The following TSPAN9 variants were observed in gnomAD, a reference collection of about 807,000 sequenced individuals.
TSPAN9 encodes the protein tetraspanin-9.
TSPAN9 carries 16 observed loss-of-function variants against 31.0 expected under a neutral mutation model. The ratio of observed to expected loss-of-function variants is 0.52; its 90% confidence interval spans 0.35 to 0.78. The LOEUF (loss-of-function observed/expected upper bound fraction) is 0.78, where lower values mean the gene tolerates loss of function less well. TSPAN9 is among the 30% of genes least tolerant of loss of function. TSPAN9 has a pLI of 0.01. For synonymous variants in TSPAN9, 145 were observed against 121.6 expected, an observed-to-expected ratio of 1.19 and a Z score of -1.27; for missense variants, 272 against 312.5, an observed-to-expected ratio of 0.87 and a Z score of 0.98.
chr12:3,253,117 G>A (rs1257172462), intron 3 of TSPAN9, among the ~76,000 whole-genome samples: 1 of 152,100 alleles, frequency 6.6e-6, no homozygotes, highest in Non-Finnish European at 1.5e-5. Context: ...CCTCGGGGGT[G>A]GTGATCAACA....
intron 3 of TSPAN9, among the ~76,000 whole-genome samples, chr12:3,225,969 T>A (rs1377358345): frequency 1.3e-5 from 2 of 152,132 alleles, no homozygotes; most frequent in East Asian, 1.9e-4. Flanking sequence ...ATTTTTTCTT[T>A]CCTTCTGAAG....
chr12:3,185,418 C>T (rs1591665632), intron 2 of TSPAN9, among the ~76,000 whole-genome samples: 1 of 152,282 alleles, frequency 6.6e-6, no homozygotes, highest in East Asian at 1.9e-4. Flanking sequence ...CAGGGGGTCA[C>T]TTTCAGAAAT....
intron 2 of TSPAN9, among the ~76,000 whole-genome samples, chr12:3,104,311 G>A (rs2098313207): frequency 6.6e-6 from 1 of 151,950 alleles, no homozygotes; most frequent in Non-Finnish European, 1.5e-5. Flanking sequence ...GTAGAAAATC[G>A]GTAAGTGACA....
chr12:3,143,810 C>T lies in TSPAN9; in HGVS notation c.-17-57367C>T, dbSNP rs1256653818. ...CTTCCTTACTTTCTGGCACAAGATG[C>T]TCCGGGTCGTGTTATGTTTCTCCTG... On this transcript the variant is annotated intron_variant, in intron 2 of 8. Transcript: ENST00000011898. The surrounding 1 kb of genome is among the most constrained non-coding windows in gnomAD (Gnocchi z 4.2). Among the ~76,000 whole-genome samples, 1 of 152,138 alleles carries T rather than the reference C, an allele frequency of 6.6e-6. No homozygotes were observed. The highest frequency in any genetic ancestry group is 1.5e-5 in the Non-Finnish European group (1 of 68,032).
At chr12:3,253,618 G>A (rs991343395) in intron 3 of TSPAN9, among the ~76,000 whole-genome samples, 1 of 152,240 alleles carries the variant, frequency 6.6e-6, no homozygotes, top group Non-Finnish European at 1.5e-5. Context: ...GAGAGCACAG[G>A]CCAGCGATCA....
chr12:3,204,731 G>A lies in TSPAN9; in HGVS notation c.63+3475G>A, dbSNP rs533710583. Among the ~76,000 whole-genome samples, 64 of 152,290 alleles carry A rather than the reference G, an allele frequency of 4.2e-4. No homozygotes were observed. In the South Asian group the frequency reaches 8.5e-3, roughly 20 times the overall value. On this transcript the variant is annotated intron_variant, in intron 3 of 8. Coordinates refer to ENST00000011898, the MANE Select transcript of TSPAN9 (RefSeq NM_006675.5). Reference sequence around the variant, plus strand: ...ACTCTCAGGGCTAAAGACAATGCTGGCTTCTAGGTGGATAGGGAATAGGAG... The same window carrying A: ...ACTCTCAGGGCTAAAGACAATGCTGACTTCTAGGTGGATAGGGAATAGGAG...
At chr12:3,237,396 G>A (rs1392854352) in intron 3 of TSPAN9, among the ~76,000 whole-genome samples, 2 of 152,220 alleles carry the variant, frequency 1.3e-5, no homozygotes, top group Non-Finnish European at 2.9e-5. Context: ...TCTGGTCCCT[G>A]TATTTCCCAC....
intron 2 of TSPAN9, among the ~76,000 whole-genome samples, chr12:3,084,437 A>G (rs190122648): frequency 9.9e-4 from 151 of 152,184 alleles, no homozygotes; most frequent in Admixed American, 1.8e-3. Flanking sequence ...CCTGAACCCA[A>G]TGGTGTAGTC....
chr12:3,201,147 A>T (rs992567917), intron 2 of TSPAN9, 30 bp from the exon 3 acceptor site: 11 of 1,589,998 alleles, frequency 6.9e-6, no homozygotes, highest in Non-Finnish European at 8.6e-6. Flanking sequence ...GTGGTGTTTT[A>T]CCTGGACCTG....
chr12:3,122,456 T>A lies in TSPAN9; in HGVS notation c.-18+38737T>A, dbSNP rs187125634. On this transcript the variant is annotated intron_variant, in intron 2 of 8. Coordinates refer to ENST00000011898, the MANE Select transcript of TSPAN9 (RefSeq NM_006675.5). ...CACCACCATGCTTGGCAAATTAAAA[T>A]TTTTTTTGTTTGTATGTTGTCCAGG... Among the ~76,000 whole-genome samples, 570 of 151,962 alleles carry A rather than the reference T, an allele frequency of 3.8e-3. 2 individuals carry two copies. The highest frequency in any genetic ancestry group is 0.013 in the African/African-American group (546 of 41,486).
chr12:3,105,722 G>A lies in TSPAN9; in HGVS notation c.-18+22003G>A, dbSNP rs186777458. On this transcript the variant is annotated intron_variant, in intron 2 of 8. Coordinates refer to ENST00000011898, the MANE Select transcript of TSPAN9 (RefSeq NM_006675.5). ...CCCCTGGGGGCCTAGGGCCTGCTTTGTGTGCACGCGCGTGCACACACACAC... is the reference window on the plus strand; with the variant it reads ...CCCCTGGGGGCCTAGGGCCTGCTTTATGTGCACGCGCGTGCACACACACAC... Among the ~76,000 whole-genome samples, 609 of 149,612 alleles carry A rather than the reference G, an allele frequency of 4.1e-3. 2 individuals are homozygous for A. The highest frequency in any genetic ancestry group is 0.014 in the African/African-American group (583 of 41,280).
chr12:3,110,733 C>T (rs1371174590), intron 2 of TSPAN9, among the ~76,000 whole-genome samples: 2 of 152,154 alleles, frequency 1.3e-5, no homozygotes, highest in Non-Finnish European at 2.9e-5. Flanking sequence ...CACAGTTCAC[C>T]CAGGTTCAGA....
intron 3 of TSPAN9, among the ~76,000 whole-genome samples, chr12:3,225,360 C>T (rs1279276724): frequency 2.0e-5 from 3 of 152,154 alleles, no homozygotes; most frequent in African/African-American, 7.2e-5. Flanking sequence ...ACGCACAGGA[C>T]AGCCTGTCCT....
chr12:3,229,608 T>C (rs1486088181), intron 3 of TSPAN9, among the ~76,000 whole-genome samples: 1 of 152,240 alleles, frequency 6.6e-6, no homozygotes, highest in African/African-American at 2.4e-5. Flanking sequence ...ATTTGAGGGC[T>C]GTGGCCAAAC....
In TSPAN9 at chr12:3,200,863, C is replaced by T. The variant is rs556055288; in HGVS notation, c.-17-314C>T. ...CCGCGCCCGACTTGGGCGCCCCCTC[C>T]GTCCCATTCTGGGAGCGATGCCCCC... On this transcript the variant is annotated intron_variant, in intron 2 of 8. Coordinates refer to ENST00000011898, the MANE Select transcript of TSPAN9 (RefSeq NM_006675.5). 1,186 of 263,028 alleles carry T rather than the reference C, an allele frequency of 4.5e-3. 7 individuals carry two copies. The highest frequency in any genetic ancestry group is 7.4e-3 in the Middle Eastern group (6 of 812). 16.3% of individuals were successfully genotyped at this position (263,028 alleles called of 1,614,324 possible).
intron 2 of TSPAN9, among the ~76,000 whole-genome samples, chr12:3,153,234 G>T (rs2098340707): frequency 6.6e-6 from 1 of 152,030 alleles, no homozygotes; most frequent in African/African-American, 2.4e-5. Context: ...TTTATTTCAG[G>T]GTCAGGAGCT....
At chr12:3,274,884 G>A (rs1291330583) in intron 3 of TSPAN9, among the ~76,000 whole-genome samples, 1 of 152,274 alleles carries the variant, frequency 6.6e-6, no homozygotes, top group Non-Finnish European at 1.5e-5. Context: ...CGGGAGCTGT[G>A]ATGGAGGCAG....
At chr12:3,226,644 T>A (rs994206400) in intron 3 of TSPAN9, among the ~76,000 whole-genome samples, 15 of 3,716 alleles carry the variant, frequency 4.0e-3, no homozygotes, top group East Asian at 0.12. Context: ...TAAAAAAATT[T>A]TATATATATG....
intron 2 of TSPAN9, among the ~76,000 whole-genome samples, chr12:3,106,591 G>A (rs990225181): frequency 1.3e-5 from 2 of 152,078 alleles, no homozygotes; most frequent in African/African-American, 4.8e-5. Context: ...GCAACATAAT[G>A]AGAACCCTGT....
Sources: allele counts gnomAD v4.1 joint callset (sites outside exome capture counted in the v4.1 genomes callset), GRCh38; gene constraint gnomAD v4.1.1; non-coding constraint Gnocchi (gnomAD v3.1); transcripts MANE v1.5; gene names NCBI Gene and HGNC (gene_info 2026-07-23, HGNC 2026-07-21).